PTPN4: variants seen among roughly 807,000 people sequenced by gnomAD.
PTPN4 encodes protein tyrosine phosphatase non-receptor type 4.
In PTPN4, 49 loss-of-function variants were observed where a neutral mutation model predicts 135.5. That is an observed-to-expected ratio of 0.36 (90% CI 0.29 to 0.46). The LOEUF (loss-of-function observed/expected upper bound fraction) is 0.46. PTPN4 is among the 20% of genes least tolerant of loss of function. PTPN4 has a pLI of 1.00. For missense variants in PTPN4, 860 were observed against 1,101.0 expected (o/e 0.78, Z 3.10); for synonymous variants, 333 against 369.9 (o/e 0.90, Z 1.14).
intron 8 of PTPN4, among the ~76,000 whole-genome samples, chr2:119,883,934 C>G (rs1228895360): frequency 1.3e-5 from 2 of 152,226 alleles, no homozygotes; most frequent in African/African-American, 2.4e-5. Context: ...GAGTCTCGCT[C>G]TGTTGCCCAG....
chr2:119,814,600 T>A (rs530501138), intron 2 of PTPN4, among the ~76,000 whole-genome samples: 6 of 152,196 alleles, frequency 3.9e-5, no homozygotes, highest in Non-Finnish European at 8.8e-5. Context: ...TCACTTAAGG[T>A]GACCACTGAA....
chr2:119,803,113 T>C (rs765752826), intron 1 of PTPN4, among the ~76,000 whole-genome samples: 11 of 152,180 alleles, frequency 7.2e-5, no homozygotes, highest in Admixed American at 3.3e-4. Context: ...TTATTATGTT[T>C]ATTGATCCTT....
At chr2:119,921,712 T>C (rs1678739016) in intron 12 of PTPN4, among the ~76,000 whole-genome samples, 1 of 150,646 alleles carries the variant, frequency 6.6e-6, no homozygotes, top group South Asian at 2.1e-4. Flanking sequence ...AAGGAGAGAG[T>C]ATCAGATCTA....
At chr2:119,925,543 C>CTT (rs1420645070) in intron 12 of PTPN4, among the ~76,000 whole-genome samples, 2 of 152,136 alleles carry the variant, frequency 1.3e-5, no homozygotes, top group East Asian at 3.8e-4. Context: ...ATCCAAAGCA[C>CTT]TTTTTAATCA....
intron 2 of PTPN4, among the ~76,000 whole-genome samples, chr2:119,836,721 T>C (rs1313698989): frequency 1.3e-5 from 2 of 152,226 alleles, no homozygotes; most frequent in Non-Finnish European, 2.9e-5. Context: ...CTGCTCCCAC[T>C]GCCTGGCCTC....
intron 1 of PTPN4, among the ~76,000 whole-genome samples, chr2:119,789,114 A>G (rs1172153231): frequency 6.6e-6 from 1 of 151,232 alleles, no homozygotes; most frequent in Admixed American, 6.6e-5. Context: ...TAAAGTAGTA[A>G]CCATCTAAAT....
chr2:119,932,326 T>G, intron 13 of PTPN4, 98 bp from the exon 14 acceptor site: 1 of 1,223,544 alleles, frequency 8.2e-7, no homozygotes, highest in South Asian at 1.7e-5. Flanking sequence ...ATGTTGCTCA[T>G]CTAGAACATA....
chr2:119,924,480 T>C (rs2105031721), intron 12 of PTPN4, among the ~76,000 whole-genome samples: 1 of 145,298 alleles, frequency 6.9e-6, no homozygotes, highest in East Asian at 1.9e-4. Context: ...TAAAAACAAT[T>C]TTTTTGTTCT....
intron 25 of PTPN4, among the ~76,000 whole-genome samples, chr2:119,966,048 G>C (rs1024813436): frequency 1.3e-5 from 2 of 152,176 alleles, no homozygotes; most frequent in African/African-American, 4.8e-5. Context: ...GGAAGTTCAA[G>C]ATCAGGGTAC....
At chr2:119,862,131 A>G (rs1220300906) in intron 2 of PTPN4, among the ~76,000 whole-genome samples, 1 of 152,208 alleles carries the variant, frequency 6.6e-6, no homozygotes, top group East Asian at 1.9e-4. Flanking sequence ...CTAAAAAAAT[A>G]TCGTGATAGC....
chr2:119,984,468 A>G lies in PTPN4; in HGVS notation c.*7398A>G, dbSNP rs1231466928. Among the ~76,000 whole-genome samples, 5 of 152,140 alleles carry G rather than the reference A, an allele frequency of 3.3e-5. No homozygotes were observed. Among genetic ancestry groups the G allele is most frequent in the East Asian group, 1.9e-4 (1 of 5,202 alleles). ...AGTTTTTTAGATTACCTTTCCCCCT[A>G]TATCACAAAAATATCTCTTTCCATA... On this transcript the variant is annotated 3_prime_UTR_variant, in exon 27 of 27. Transcript: ENST00000263708.
At chr2:119,883,666 A>G (rs1558754241) in intron 8 of PTPN4, among the ~76,000 whole-genome samples, 3 of 152,166 alleles carry the variant, frequency 2.0e-5, no homozygotes, top group Non-Finnish European at 4.4e-5. Flanking sequence ...ATTACTTACT[A>G]TCTTATAACC....
At chr2:119,769,855 A>G (rs1405184869) in intron 1 of PTPN4, among the ~76,000 whole-genome samples, 1 of 152,194 alleles carries the variant, frequency 6.6e-6, no homozygotes, top group African/African-American at 2.4e-5. Flanking sequence ...CCCATTTTAA[A>G]TGCCATCTTT....
At chr2:119,864,045 G>A (rs1677796970) in intron 3 of PTPN4, among the ~76,000 whole-genome samples, 1 of 152,138 alleles carries the variant, frequency 6.6e-6, no homozygotes, top group South Asian at 2.1e-4. Flanking sequence ...TTGCCTTGGA[G>A]AGTGCTCTGG....
chr2:119,790,092 C>A (rs890569321), intron 1 of PTPN4, among the ~76,000 whole-genome samples: 1 of 152,036 alleles, frequency 6.6e-6, no homozygotes, highest in African/African-American at 2.4e-5. Context: ...TGATTTCAGT[C>A]CTTTTAAATT....
chr2:119,883,391 G>A (rs1678108153), intron 8 of PTPN4, among the ~76,000 whole-genome samples: 1 of 152,124 alleles, frequency 6.6e-6, no homozygotes, highest in Non-Finnish European at 1.5e-5. Flanking sequence ...AAGCATTTCA[G>A]ATAAGAGATA....
At chr2:119,788,949 T>C (rs574109453) in intron 1 of PTPN4, among the ~76,000 whole-genome samples, 1 of 152,244 alleles carries the variant, frequency 6.6e-6, no homozygotes, top group Non-Finnish European at 1.5e-5. Flanking sequence ...GTGAAATTGC[T>C]GAATCATAGG....
chr2:119,911,887 A>G (rs1261949378), intron 10 of PTPN4, among the ~76,000 whole-genome samples: 1 of 152,156 alleles, frequency 6.6e-6, no homozygotes, highest in Non-Finnish European at 1.5e-5. Context: ...AGTTAGAAAT[A>G]TGTCTACCAT....
chr2:119,825,033 T>A (rs1212827818), intron 2 of PTPN4, among the ~76,000 whole-genome samples: 2 of 152,198 alleles, frequency 1.3e-5, no homozygotes, highest in Non-Finnish European at 2.9e-5. Context: ...CAAGTTTTTA[T>A]TTGGTAGTTG....
Sources: allele counts gnomAD v4.1 joint callset (sites outside exome capture counted in the v4.1 genomes callset), GRCh38; gene constraint gnomAD v4.1.1; transcripts MANE v1.5; gene names NCBI Gene and HGNC (gene_info 2026-07-23, HGNC 2026-07-21).